Variants in MCC observed in about 807,000 individuals in gnomAD.
MCC encodes MCC regulator of Wnt signaling pathway.
Under a neutral mutation model 116.2 loss-of-function variants are expected in MCC, and 90 were observed. That is an observed-to-expected ratio of 0.77 (90% confidence interval 0.65 to 0.92). The LOEUF (loss-of-function observed/expected upper bound fraction) is 0.92, where lower values mean the gene tolerates loss of function less well. Among genes scored for constraint, MCC ranks in the 40% least tolerant of loss-of-function variants. MCC has a pLI of 0.00. For missense variants in MCC, 1,516 were observed against 1,312.2 expected, an observed-to-expected ratio of 1.16 and a Z score of -2.40; for synonymous variants, 578 against 510.5, an observed-to-expected ratio of 1.13 and a Z score of -1.78.
chr5:113,341,710 T>C (rs1162412782), intron 2 of MCC, among the ~76,000 whole-genome samples: 8 of 152,178 alleles, frequency 5.3e-5, no homozygotes, highest in African/African-American at 1.7e-4. Flanking sequence ...AACCATGTGG[T>C]ACAGATGGTG....
Position 113,423,703 on chromosome 5 carries a change from G to C in MCC, c.171-38491C>G, listed in dbSNP as rs186024143. 9.9e-5 allele frequency among the ~76,000 whole-genome samples: 15 copies of C among 152,248 alleles called. No homozygotes were observed. The East Asian group carries it at 2.3e-3, about 24-fold the overall frequency. On this transcript the variant is annotated intron_variant, in intron 1 of 18. Transcript: ENST00000408903. ...AATGCAGGTGACGTTCATAACAGGA[G>C]AATGAGTTGAAGGTGTGTGTAAGAA...
At chr5:113,382,909 G>T (rs557263269) in intron 2 of MCC, among the ~76,000 whole-genome samples, 47 of 152,214 alleles carry the variant, frequency 3.1e-4, no homozygotes, top group African/African-American at 1.1e-3. Context: ...TTTCACAGCC[G>T]CTGGCACTTC....
At chr5:113,482,230 G>C (rs1052477921) in intron 1 of MCC, among the ~76,000 whole-genome samples, 1 of 152,142 alleles carries the variant, frequency 6.6e-6, no homozygotes, top group Non-Finnish European at 1.5e-5. Context: ...ATTCATTTAT[G>C]TTTTTGGGTG....
At chr5:113,267,646 T>C (rs895839354) in intron 3 of MCC, among the ~76,000 whole-genome samples, 4 of 152,164 alleles carry the variant, frequency 2.6e-5, no homozygotes, top group Non-Finnish European at 5.9e-5. Flanking sequence ...AAAGAAGCCA[T>C]TCACAAAACC....
At chr5:113,118,830 A>G (rs145496517) in intron 6 of MCC, among the ~76,000 whole-genome samples, 14 of 152,344 alleles carry the variant, frequency 9.2e-5, no homozygotes, top group Middle Eastern at 3.4e-3. Flanking sequence ...CTGTGTGAGC[A>G]GCTTTAATGA....
chr5:113,340,918 G>A (rs370545360), intron 2 of MCC, among the ~76,000 whole-genome samples, 188 bp from the exon 3 acceptor site: 167 of 152,238 alleles, frequency 1.1e-3, no homozygotes, highest in African/African-American at 3.8e-3. Context: ...GGAGATAAAA[G>A]CAATTTCAGG....
intron 8 of MCC, among the ~76,000 whole-genome samples, chr5:113,097,854 T>C (rs1756124489): frequency 6.6e-6 from 1 of 152,176 alleles, no homozygotes; most frequent in Non-Finnish European, 1.5e-5. Flanking sequence ...CAAAATAGCA[T>C]GTCTACTTGT....
intron 3 of MCC, among the ~76,000 whole-genome samples, chr5:113,249,208 G>C (rs2150342889): frequency 6.6e-6 from 1 of 152,082 alleles, no homozygotes; most frequent in South Asian, 2.1e-4. Flanking sequence ...AGAAACAGAA[G>C]GGTGAGCTGA....
chr5:113,369,531 T>G (rs1286298174), intron 2 of MCC, among the ~76,000 whole-genome samples: 1 of 152,226 alleles, frequency 6.6e-6, no homozygotes, highest in Non-Finnish European at 1.5e-5. Context: ...TTTTTGAGTG[T>G]TCTCTCTGCA....
At chr5:113,091,881 C>G (rs1313512720) in intron 8 of MCC, among the ~76,000 whole-genome samples, 1 of 119,564 alleles carries the variant, frequency 8.4e-6, no homozygotes, top group African/African-American at 4.0e-5. Flanking sequence ...CAATGAGACT[C>G]AGACACACAC....
Position 113,147,045 on chromosome 5 carries a change from C to T in MCC, c.742-3685G>A, listed in dbSNP as rs111606581. Among the ~76,000 whole-genome samples, 161 of 152,250 alleles carry T rather than the reference C, an allele frequency of 1.1e-3. 1 individual carries two copies. In the East Asian group the frequency reaches 0.014, roughly 13 times the overall value. ...AAAAAATGATTGACATTGGATATGA[C>T]GAAATTTTGTTTTTCCCAAATTTCA... On this transcript the variant is annotated intron_variant, in intron 4 of 18. Coordinates refer to ENST00000408903, the MANE Select transcript of MCC (RefSeq NM_001085377.2).
At chr5:113,241,540 G>GT (rs1764368529) in intron 3 of MCC, among the ~76,000 whole-genome samples, 1 of 152,164 alleles carries the variant, frequency 6.6e-6, no homozygotes, top group African/African-American at 2.4e-5. Flanking sequence ...GAAACTAGTT[G>GT]TAAGTTTATT....
chr5:113,207,420 G>C (rs1210225560), intron 3 of MCC, among the ~76,000 whole-genome samples: 1 of 133,678 alleles, frequency 7.5e-6, no homozygotes. Context: ...GCTATTAAGA[G>C]AGCAAGGTCT....
chr5:113,027,013 G>GACCCA lies in MCC; in HGVS notation c.*288_*289insTGGGT. On this transcript the variant is annotated 3_prime_UTR_variant, in exon 19 of 19. Transcript: ENST00000408903. ...CCGCCAGACCAGAAGAGGAGGGGGAGAGTGAGTGCTGAAAGCAGAAACGAG... is the reference window on the plus strand; with the variant it reads ...CCGCCAGACCAGAAGAGGAGGGGGAGACCCAAGTGAGTGCTGAAAGCAGAAACGAG... 2.8e-6 allele frequency: 1 copy of GACCCA among 363,440 alleles called. No homozygotes were observed. 22.5% of individuals were successfully genotyped at this position (363,440 alleles called of 1,614,324 possible).
chr5:113,215,579 C>T (rs892255160), intron 3 of MCC, among the ~76,000 whole-genome samples: 1 of 152,022 alleles, frequency 6.6e-6, no homozygotes, highest in African/African-American at 2.4e-5. Flanking sequence ...CGGGGGAGGG[C>T]GGTTCGGCTG....
At chr5:113,098,115 CA>C (rs1431177121) in intron 8 of MCC, among the ~76,000 whole-genome samples, 1 of 152,214 alleles carries the variant, frequency 6.6e-6, no homozygotes, top group Non-Finnish European at 1.5e-5. Context: ...TTCAGCGGGA[CA>C]CAGTTTCATG....
At position 113,101,799 on chromosome 5, in the gene MCC, CAGT is replaced by C; in HGVS notation, c.1335_1337del (p.Leu446del). ...CATTCATGGTGGCCTTAGTCCGGTTCAGTTCTTCCTCTTTGCTGCACAGCATGG... is the reference window on the plus strand; with the variant it reads ...CATTCATGGTGGCCTTAGTCCGGTTCTCTTCCTCTTTGCTGCACAGCATGG... On this transcript the variant is annotated inframe_deletion, in exon 8 of 19. Transcript: ENST00000408903. The C allele has an allele frequency of 1.2e-6, 2 of 1,613,562 alleles. No homozygotes were observed. Among genetic ancestry groups the C allele is most frequent in the Non-Finnish European group, 1.7e-6 (2 of 1,180,020 alleles).
At chr5:113,276,408 G>T (rs1297191888) in intron 3 of MCC, among the ~76,000 whole-genome samples, 2 of 152,034 alleles carry the variant, frequency 1.3e-5, no homozygotes, top group Non-Finnish European at 2.9e-5. Context: ...TTTAACGTCA[G>T]ACACCAATTC....
intron 3 of MCC, among the ~76,000 whole-genome samples, chr5:113,318,859 T>G (rs1026701985): frequency 3.9e-5 from 6 of 152,182 alleles, no homozygotes; most frequent in Non-Finnish European, 7.4e-5. Flanking sequence ...AATTTTATAA[T>G]GCTATTTTAT....
Sources: allele counts gnomAD v4.1 joint callset (sites outside exome capture counted in the v4.1 genomes callset), GRCh38; gene constraint gnomAD v4.1.1; transcripts MANE v1.5; gene names NCBI Gene and HGNC (gene_info 2026-07-23, HGNC 2026-07-21).